The following FGD3 variants were observed in gnomAD, a reference collection of about 807,000 sequenced individuals.
The protein encoded by FGD3 is FYVE, RhoGEF and PH domain containing 3.
Under a neutral mutation model 71.8 loss-of-function variants are expected in FGD3, and 45 were observed. The observed-to-expected ratio is 0.63, with a 90% confidence interval of 0.49 to 0.80. The LOEUF is 0.80. Among genes scored for constraint, FGD3 ranks in the 30% least tolerant of loss-of-function variants. The pLI is 0.00. For synonymous variants in FGD3, 378 were observed against 392.8 expected, an observed-to-expected ratio of 0.96 and a Z score of 0.44; for missense variants, 844 against 951.5, an observed-to-expected ratio of 0.89 and a Z score of 1.49.
In FGD3 at chr9:92,976,404, G is replaced by T; in HGVS notation, c.148G>T (p.Ala50Ser). 2 of 1,611,252 alleles carry T rather than the reference G, an allele frequency of 1.2e-6. No homozygotes were observed. The highest frequency in any genetic ancestry group is 1.7e-6 in the Non-Finnish European group (2 of 1,179,218). The change falls in exon 3 of 18, where the codon GCT (alanine) becomes TCT (serine). Residue 50 changes from alanine to serine, a missense_variant. Physicochemically the swap from Ala to Ser is moderately conservative, Grantham distance 99. Coordinates refer to ENST00000375482, the MANE Select transcript of FGD3 (RefSeq NM_001083536.2). ...CCACTGTGGGGACCCTGTCAGCCTGGCTGCAGCAGGGGACGGCTCTCCAGA... is the reference window on the plus strand; with the variant it reads ...CCACTGTGGGGACCCTGTCAGCCTGTCTGCAGCAGGGGACGGCTCTCCAGA... ...RAHCGDPVSL[A>S]AAGDGSPDIG...
At chr9:92,987,035 C>T (rs1181605423) in intron 3 of FGD3, among the ~76,000 whole-genome samples, 4 of 152,252 alleles carry the variant, frequency 2.6e-5, no homozygotes, top group Middle Eastern at 6.8e-3. Flanking sequence ...GACTTGCCTC[C>T]GAGGTAGACA....
intron 8 of FGD3, among the ~76,000 whole-genome samples, chr9:93,012,273 A>T (rs145376449): frequency 0.011 from 1,747 of 152,302 alleles, 21 homozygotes; most frequent in Middle Eastern, 0.02. Context: ...TAATTATACA[A>T]ATCCAAGTCT....
intron 13 of FGD3, 51 bp downstream of exon 13, chr9:93,020,475 G>A (rs1189578387): frequency 1.6e-5 from 25 of 1,519,470 alleles, no homozygotes; most frequent in Non-Finnish European, 2.2e-5. Context: ...CGGGCTACCT[G>A]TGGAGAGCAG....
At chr9:92,949,525 A>T (rs575241774) in intron 1 of FGD3, among the ~76,000 whole-genome samples, 1 of 152,198 alleles carries the variant, frequency 6.6e-6, no homozygotes, top group African/African-American at 2.4e-5. Flanking sequence ...CTGCAGCATC[A>T]GTTCAGTCTT....
At chr9:93,011,698 A>C (rs1175243265) in intron 8 of FGD3, among the ~76,000 whole-genome samples, 3 of 150,846 alleles carry the variant, frequency 2.0e-5, no homozygotes, top group Non-Finnish European at 4.4e-5. Context: ...TCTACTAAAA[A>C]TACAAAAATT....
chr9:93,014,894 A>C (rs1231472421), intron 9 of FGD3, among the ~76,000 whole-genome samples: 1 of 152,028 alleles, frequency 6.6e-6, no homozygotes, highest in Non-Finnish European at 1.5e-5. Flanking sequence ...CACCCACCCA[A>C]AGTGCTGGGA....
Position 93,003,948 on chromosome 9 carries a change from C to G in FGD3, c.544-53C>G, listed in dbSNP as rs1453162779. 2 of 1,605,772 alleles carry G rather than the reference C, an allele frequency of 1.2e-6. No individual in the cohort carries two copies. The highest frequency in any genetic ancestry group is 2.2e-5 in the East Asian group (1 of 44,730). ...ACCTGTGGCCGAAGCGGGGCGGCAACTGTGCTCAGTGGAAGAGGCTCACTG... is the reference window on the plus strand; with the variant it reads ...ACCTGTGGCCGAAGCGGGGCGGCAAGTGTGCTCAGTGGAAGAGGCTCACTG... On this transcript the variant is annotated intron_variant, in intron 4 of 17. Transcript: ENST00000375482. This position sits in a 1 kb window ranked among gnomAD's most constrained non-coding sequence, Gnocchi z 4.1.
At chr9:93,027,268 G>C (rs1862149351) in intron 14 of FGD3, among the ~76,000 whole-genome samples, 2 of 152,212 alleles carry the variant, frequency 1.3e-5, no homozygotes, top group Non-Finnish European at 2.9e-5. Flanking sequence ...AGCTGGAAGT[G>C]CCCGGCCAGA....
At chr9:93,002,494 C>T (rs867260818) in intron 3 of FGD3, among the ~76,000 whole-genome samples, 1 of 151,846 alleles carries the variant, frequency 6.6e-6, no homozygotes, top group African/African-American at 2.4e-5. Flanking sequence ...CTAAGACAAG[C>T]TTGCCAAACA....
chr9:92,979,615 T>G (rs1859907812), intron 3 of FGD3, among the ~76,000 whole-genome samples: 2 of 152,230 alleles, frequency 1.3e-5, no homozygotes, highest in Admixed American at 6.5e-5. Context: ...AATGCTGGCC[T>G]TATTGAATGA....
chr9:93,011,554 A>G (rs901407472), intron 8 of FGD3, among the ~76,000 whole-genome samples: 1 of 152,212 alleles, frequency 6.6e-6, no homozygotes, highest in Non-Finnish European at 1.5e-5. Context: ...GCATCTGTGG[A>G]GAGTAAAAGA....
Position 93,026,769 on chromosome 9 carries a change from C to G in FGD3, c.1558-3105C>G, listed in dbSNP as rs1343225368. On this transcript the variant is annotated intron_variant, in intron 14 of 17. Coordinates refer to ENST00000375482, the MANE Select transcript of FGD3 (RefSeq NM_001083536.2). ...TGTCCTCCCACATGGTTGTTCTTTG[C>G]TCCTTCAGCCCCTGCTGCCCCCTGC... is the stretch of plus-strand genomic sequence containing the variant. 2.0e-5 allele frequency among the ~76,000 whole-genome samples: 3 copies of G among 152,264 alleles called. No homozygotes were observed. The East Asian group carries it at 5.8e-4, about 29-fold the overall frequency.
intron 3 of FGD3, among the ~76,000 whole-genome samples, chr9:93,000,140 TAA>T (rs1860808892): frequency 1.3e-5 from 2 of 152,162 alleles, no homozygotes; most frequent in South Asian, 4.1e-4. Flanking sequence ...TGCAATTACA[TAA>T]AACATTTTAA....
intron 1 of FGD3, 61 bp downstream of exon 1, chr9:92,947,790 C>G (rs1858883225): frequency 6.6e-6 from 1 of 152,344 alleles, no homozygotes; most frequent in African/African-American, 2.4e-5. Flanking sequence ...CTTTGAGATC[C>G]TGTGTGGGCT....
intron 1 of FGD3, among the ~76,000 whole-genome samples, chr9:92,959,649 G>A (rs948479101): frequency 8.2e-5 from 12 of 146,750 alleles, no homozygotes; most frequent in African/African-American, 2.8e-4. Flanking sequence ...CGAGGCTACA[G>A]TGAGTCATGA....
Position 92,999,422 on chromosome 9 carries a change from G to A in FGD3, c.454-3503G>A, listed in dbSNP as rs187835452. On this transcript the variant is annotated intron_variant, in intron 3 of 17. Transcript: ENST00000375482. ...AATTCCCCAACCCCTTGTGCTTCCC[G>A]GGTGTGGCAATGCCCCACCCTGCTC... is the stretch of plus-strand genomic sequence containing the variant. Among the ~76,000 whole-genome samples the A allele has an allele frequency of 3.0e-3, 456 of 152,032 alleles. 5 individuals carry two copies. Among genetic ancestry groups the A allele is most frequent in the African/African-American group, 0.011 (440 of 41,446 alleles).
intron 3 of FGD3, among the ~76,000 whole-genome samples, chr9:92,992,352 G>A (rs1860446180): frequency 6.6e-6 from 1 of 152,092 alleles, no homozygotes; most frequent in Admixed American, 6.6e-5. Flanking sequence ...TTTTCAAGAT[G>A]GTGTTTATTG....
chr9:93,009,487 G>T (rs1861211938), intron 6 of FGD3, among the ~76,000 whole-genome samples: 1 of 152,206 alleles, frequency 6.6e-6, no homozygotes, highest in East Asian at 1.9e-4. Context: ...GAAGCTGGTG[G>T]ACAGGACGAC....
At chr9:92,980,990 GA>G (rs896120446) in intron 3 of FGD3, among the ~76,000 whole-genome samples, 61 of 150,864 alleles carry the variant, frequency 4.0e-4, no homozygotes, top group Non-Finnish European at 7.5e-4. Flanking sequence ...AAAGAAAAAA[GA>G]AAAAAAATGT....
Sources: gnomAD v4.1 joint callset for allele counts (sites outside exome capture counted in the v4.1 genomes callset) on GRCh38, gnomAD v4.1.1 for gene constraint, Gnocchi (gnomAD v3.1) non-coding constraint, MANE v1.5 for transcripts, NCBI Gene and HGNC (gene_info 2026-07-23, HGNC 2026-07-21) for gene names.